Variants in ABHD17A observed in about 807,000 individuals in gnomAD.
ABHD17A encodes alpha/beta hydrolase domain-containing protein 17A.
A neutral mutation model predicts 26.8 loss-of-function variants in ABHD17A; 10 were observed. The ratio of observed to expected loss-of-function variants is 0.37; its 90% CI spans 0.23 to 0.63. The LOEUF (loss-of-function observed/expected upper bound fraction) is 0.63, where lower values mean the gene tolerates loss of function less well. Ranked by LOEUF, ABHD17A falls within the 30% of genes least tolerant of loss-of-function variation. The pLI, the probability that ABHD17A is intolerant of heterozygous loss-of-function variation, is 0.61. For missense variants in ABHD17A, 292 were observed against 457.3 expected, an observed-to-expected ratio of 0.64 and a Z score of 3.30; for synonymous variants, 167 against 210.9, an observed-to-expected ratio of 0.79 and a Z score of 1.80.
Position 1,879,925 on chromosome 19 carries a change from T to C in ABHD17A, c.523A>G (p.Thr175Ala), listed in dbSNP as rs1168579596. The C allele has an allele frequency of 1.1e-5, 18 of 1,606,024 alleles. No individual in the cohort carries two copies. Among genetic ancestry groups the C allele is most frequent in the Admixed American group, 6.8e-5 (4 of 58,624 alleles). Reference sequence around the variant, plus strand: ...TGCCCCCAGGGTCGCCCTCACCTGGTGCGCAGGGCCTGCCAGGCGGCGTCG... The same window carrying C: ...TGCCCCCAGGGTCGCCCTCACCTGGCGCGCAGGGCCTGCCAGGCGGCGTCG... Reference protein sequence around the residue: ...DIDAAWQALRTRYGISPDSII... With the variant: ...DIDAAWQALRARYGISPDSII... Residue 175 changes from threonine (T) to alanine (A), a missense_variant, in exon 3 of 5, where the codon ACC becomes GCC. Physicochemically the swap from Thr to Ala is moderately conservative, Grantham distance 58. Around this residue, in one of 4 missense-constraint regions of ABHD17A, gnomAD observed 25 missense variants for 40.3 expected, o/e 0.62. Transcript: ENST00000292577. This position sits in a 1 kb window ranked among gnomAD's most constrained non-coding sequence, Gnocchi z 7.6.
rs768498290 is a variant in ABHD17A at position 1,881,287 on chromosome 19, C to T, written c.280G>A (p.Ala94Thr). The change falls in exon 2 of 5, where the codon GCC (alanine) becomes ACC (threonine). Residue 94 changes from alanine to threonine, a missense_variant. By Grantham distance (58) the Ala-to-Thr change is moderately conservative (BLOSUM62 0). Transcript: ENST00000292577. ...DTIEVFPTKS[A>T]RGNRVSCMYV... is the part of the protein sequence containing the mutation. ...ATGCAGGAGACGCGGTTGCCGCGGG[C>T]GCTCTTGGTGGGGAAGACCTCGATG... 6.8e-6 allele frequency: 11 copies of T among 1,611,084 alleles called. No homozygotes were observed. Among genetic ancestry groups the T allele is most frequent in the Admixed American group, 6.7e-5 (4 of 60,016 alleles).
chr19:1,878,082 T>A (rs1341674510), intron 3 of ABHD17A: 1 of 231,158 alleles, frequency 4.3e-6, no homozygotes, highest in African/African-American at 2.3e-5. Flanking sequence ...CTGCCAGGGT[T>A]AGAAAACCGT....
At chr19:1,885,073 C>A (rs994172618) in intron 1 of ABHD17A, among the ~76,000 whole-genome samples, 8 of 152,236 alleles carry the variant, frequency 5.3e-5, no homozygotes, top group African/African-American at 1.9e-4. Context: ...AGAGCGGAAT[C>A]CGCGGCTCGG....
rs1023929235 is a variant in ABHD17A, at chr19:1,884,833, A to G, written c.-239+519T>C. Among the ~76,000 whole-genome samples, 4 of 152,188 alleles carry G rather than the reference A, an allele frequency of 2.6e-5. No homozygotes were observed. The South Asian group carries it at 8.3e-4, about 32-fold the overall frequency. On this transcript the variant is annotated intron_variant, in intron 1 of 4. Transcript: ENST00000292577. ...TGGGAGAAATGGCGGGGCCGCGAAGAAGTCCCGAGCAAGCGATGGACAACA... is the reference window on the plus strand; with the variant it reads ...TGGGAGAAATGGCGGGGCCGCGAAGGAGTCCCGAGCAAGCGATGGACAACA...
intron 1 of ABHD17A, among the ~76,000 whole-genome samples, chr19:1,884,559 G>A (rs1424747757): frequency 6.6e-6 from 1 of 152,134 alleles, no homozygotes; most frequent in Non-Finnish European, 1.5e-5. Context: ...TATGGGAGAC[G>A]GTGACTGCAC....
rs775843789 is a variant in ABHD17A, at chr19:1,881,404, T to C, written c.163A>G (p.Thr55Ala). 5 of 1,603,850 alleles carry C rather than the reference T, an allele frequency of 3.1e-6. No homozygotes were observed. The highest frequency in any genetic ancestry group is 3.4e-6 in the Non-Finnish European group (4 of 1,178,628). ...GGTGCGCCCGAGGAGGCTCTCAGGG[T>C]CCCCAAGGGGGCGGCCCCGGCCCCA... is the stretch of plus-strand genomic sequence containing the variant. Reference protein sequence around the residue: ...PGGAGAAPLGTLRASSGAPGR... With the variant: ...PGGAGAAPLGALRASSGAPGR... The change falls in exon 2 of 5, where the codon ACC (threonine) becomes GCC (alanine). Residue 55 changes from threonine to alanine, a missense_variant. Thr to Ala is a moderately conservative substitution (Grantham distance 58). Coordinates refer to ENST00000292577, the MANE Select transcript of ABHD17A (RefSeq NM_001130111.2).
In ABHD17A at chr19:1,880,771, G is replaced by T; in HGVS notation, c.332+464C>A. On this transcript the variant is annotated intron_variant, in intron 2 of 4. Coordinates refer to ENST00000292577, the MANE Select transcript of ABHD17A (RefSeq NM_001130111.2). This position sits in a 1 kb window ranked among gnomAD's most constrained non-coding sequence, Gnocchi z 4.1. ...CAGCACGGGAGCTGCCCCAGGTGGT[G>T]CCAGGAGCAGGTGGCCAGGCTGGCC... 7.3e-7 allele frequency: 1 copy of T among 1,372,558 alleles called. No individual in the cohort carries two copies. Among genetic ancestry groups the T allele is most frequent in the Non-Finnish European group, 9.9e-7 (1 of 1,006,092 alleles). The allele number at this position is 1,372,558 out of a possible 1,614,324, so 85.0% of individuals were successfully genotyped here. A position where few individuals can be genotyped will look rare whatever the true frequency, so the allele number is the denominator to read the frequency against.
At position 1,877,278 on chromosome 19, in the gene ABHD17A, G is replaced by C. The variant is rs754721985; in HGVS notation, c.855C>G (p.Asn285Lys). ...EPLWVEGAGHNDIELYSQYLE... is the reference protein window; with the variant it reads ...EPLWVEGAGHKDIELYSQYLE... ...GGTACTGGCTGTAGAGCTCGATGTCGTTGTGCCCGGCGCCCTCCACCCACA... is the reference window on the plus strand; with the variant it reads ...GGTACTGGCTGTAGAGCTCGATGTCCTTGTGCCCGGCGCCCTCCACCCACA... Residue 285 changes from asparagine to lysine, a missense_variant, in exon 5 of 5, where the codon AAC (asparagine) becomes AAG (lysine). By Grantham distance (94) the Asn-to-Lys change is moderately conservative. Coordinates refer to ENST00000292577, the MANE Select transcript of ABHD17A (RefSeq NM_001130111.2). 1.3e-6 allele frequency: 2 copies of C among 1,536,932 alleles called. No individual in the cohort carries two copies. Among genetic ancestry groups the C allele is most frequent in the African/African-American group, 1.4e-5 (1 of 73,268 alleles).
intron 2 of ABHD17A, 107 bp downstream of exon 2, chr19:1,881,128 C>T (rs2012512865): frequency 6.4e-7 from 1 of 1,563,870 alleles, no homozygotes; most frequent in African/African-American, 1.3e-5. Context: ...CCCTTCACGG[C>T]AGGCTCGGGC....
At chr19:1,882,338 G>A (rs564417027) in intron 1 of ABHD17A, 2 of 152,496 alleles carry the variant, frequency 1.3e-5, no homozygotes, top group African/African-American at 4.8e-5. Flanking sequence ...GATGTCTGGA[G>A]ACAGAGGAAA....
At chr19:1,882,873 TG>T (rs996702118) in intron 1 of ABHD17A, 3 of 152,062 alleles carry the variant, frequency 2.0e-5, no homozygotes, top group Non-Finnish European at 4.4e-5. Flanking sequence ...GCTTGGCTTT[TG>T]GGTCACAGCA....
In ABHD17A at chr19:1,881,216, C is replaced by A. The variant is rs760595739; in HGVS notation, c.332+19G>T. ...CAAGAACAGGGTGACCCAGCCCAGG[C>A]GCGGCCACAGCTGCTCACCTGGCAC... is the stretch of plus-strand genomic sequence containing the variant. On this transcript the variant is annotated intron_variant, in intron 2 of 4. Transcript: ENST00000292577. 1.9e-6 allele frequency: 3 copies of A among 1,610,260 alleles called. No individual in the cohort carries two copies. Among genetic ancestry groups the A allele is most frequent in the Non-Finnish European group, 2.5e-6 (3 of 1,179,514 alleles).
rs1480933858 is a variant in ABHD17A, at chr19:1,880,156, A to G, written c.333-41T>C. 1.2e-6 allele frequency: 2 copies of G among 1,606,254 alleles called. No homozygotes were observed. The highest frequency in any genetic ancestry group is 2.7e-5 in the African/African-American group (2 of 74,788). ...AAGGGCCGTTCACATCCTCGCTCCCAGCGCCCAGCTGCAGGGCAGGAGGAT... is the reference window on the plus strand; with the variant it reads ...AAGGGCCGTTCACATCCTCGCTCCCGGCGCCCAGCTGCAGGGCAGGAGGAT... On this transcript the variant is annotated intron_variant, in intron 2 of 4. Transcript: ENST00000292577. The surrounding 1 kb of genome is among the most constrained non-coding windows in gnomAD (Gnocchi z 4.1).
At chr19:1,877,981 G>A in intron 3 of ABHD17A, 3 of 436,154 alleles carry the variant, frequency 6.9e-6, no homozygotes, top group South Asian at 5.3e-5. Flanking sequence ...GCGGGGGTAA[G>A]GGAGGCCCTG....
rs201913444 is a variant in ABHD17A at position 1,877,546 on chromosome 19, G to T, written c.669C>A (p.Pro223=). 3.1e-6 allele frequency: 5 copies of T among 1,595,088 alleles called. No homozygotes were observed. The highest frequency in any genetic ancestry group is 3.4e-6 in the Non-Finnish European group (4 of 1,178,858). Residue 223 remains proline (P), a synonymous_variant, in exon 4 of 5, where the codon CCC becomes CCA. Coordinates refer to ENST00000292577, the MANE Select transcript of ABHD17A (RefSeq NM_001130111.2). The stretch of plus-strand genomic sequence containing the variant: ...CGAAGCAGTAGGTCTTCTTGGTGTC[G>T]GGGAAGGCGACGCGCATGCCCGAGG... ...PLTSGMRVAF[P]DTKKTYCFDA...
chr19:1,885,101 G>A (rs908763978), intron 1 of ABHD17A, among the ~76,000 whole-genome samples: 1 of 152,228 alleles, frequency 6.6e-6, no homozygotes, highest in Non-Finnish European at 1.5e-5. Flanking sequence ...CTCCCCGAAG[G>A]CAAGGGCCGC....
chr19:1,881,183 G>C (rs551013080), intron 2 of ABHD17A, 52 bp downstream of exon 2: 2 of 1,603,652 alleles, frequency 1.2e-6, no homozygotes, highest in Non-Finnish European at 8.5e-7. Context: ...AGGCAGAAAC[G>C]GGAGCCCCAA....
chr19:1,884,476 C>T (rs1445716891), intron 1 of ABHD17A, among the ~76,000 whole-genome samples: 2 of 152,166 alleles, frequency 1.3e-5, no homozygotes, highest in African/African-American at 2.4e-5. Context: ...AACTGGGCAA[C>T]CCTCTGCAAG....
In ABHD17A at chr19:1,879,497, T is replaced by C. The variant is rs1599206631; in HGVS notation, c.527+424A>G. 3.9e-6 allele frequency: 1 copy of C among 258,358 alleles called. No individual in the cohort carries two copies. Among genetic ancestry groups the C allele is most frequent in the East Asian group, 1.1e-4 (1 of 8,950 alleles). 16.0% of individuals were successfully genotyped at this position (258,358 alleles called of 1,614,324 possible). On this transcript the variant is annotated intron_variant, in intron 3 of 4. Transcript: ENST00000292577. The surrounding 1 kb of genome is among the most constrained non-coding windows in gnomAD (Gnocchi z 7.6). Reference sequence around the variant, plus strand: ...CAAGCTCCGCAGCCACAGGGCCTCATGGGCCAGTCCTCCGGACCTGGATGC... The same window carrying C: ...CAAGCTCCGCAGCCACAGGGCCTCACGGGCCAGTCCTCCGGACCTGGATGC...
Sources: allele counts gnomAD v4.1 joint callset (sites outside exome capture counted in the v4.1 genomes callset), GRCh38; gene constraint gnomAD v4.1.1; regional missense constraint gnomAD v4.1.1; non-coding constraint Gnocchi (gnomAD v3.1); transcripts MANE v1.5; gene names NCBI Gene and HGNC (gene_info 2026-07-23, HGNC 2026-07-21).